Variants in LTBP1 observed in about 807,000 individuals in gnomAD.
LTBP1 encodes latent transforming growth factor beta binding protein 1.
LTBP1 carries 129 observed loss-of-function variants against 207.6 expected under a neutral mutation model. The observed-to-expected ratio is 0.62, with a 90% CI of 0.54 to 0.72. The LOEUF is 0.72. Ranked by LOEUF, LTBP1 falls within the 30% of genes least tolerant of loss-of-function variation. LTBP1 has a pLI of 0.00. For missense variants in LTBP1, 2,281 were observed against 2,217.2 expected, an observed-to-expected ratio of 1.03 and a Z score of -0.58; for synonymous variants, 963 against 833.7, an observed-to-expected ratio of 1.16 and a Z score of -2.67.
At chr2:33,234,892 A>G (rs181632693) in intron 9 of LTBP1, among the ~76,000 whole-genome samples, 2 of 152,184 alleles carry the variant, frequency 1.3e-5, no homozygotes, top group Non-Finnish European at 2.9e-5. Context: ...ATTATACAAA[A>G]ATTAACTCAA....
At chr2:33,310,135 A>T (rs2094162080) in intron 23 of LTBP1, among the ~76,000 whole-genome samples, 1 of 151,892 alleles carries the variant, frequency 6.6e-6, no homozygotes, top group Non-Finnish European at 1.5e-5. Flanking sequence ...TTTACTGGAG[A>T]CGGGGGTTTC....
At chr2:33,065,062 A>G (rs552986863) in intron 3 of LTBP1, among the ~76,000 whole-genome samples, 1 of 152,328 alleles carries the variant, frequency 6.6e-6, no homozygotes, top group African/African-American at 2.4e-5. Flanking sequence ...GGGGTCTAAA[A>G]TGAGGAAATT....
intron 4 of LTBP1, among the ~76,000 whole-genome samples, chr2:33,114,345 A>G (rs1223835880): frequency 1.3e-5 from 2 of 152,164 alleles, no homozygotes; most frequent in African/African-American, 4.8e-5. Context: ...TATCTATTAA[A>G]CGTGTAAATA....
At chr2:33,391,670 A>C (rs1374388587) in intron 32 of LTBP1, among the ~76,000 whole-genome samples, 1 of 152,218 alleles carries the variant, frequency 6.6e-6, no homozygotes, top group Admixed American at 6.5e-5. Context: ...CCAAAATCCC[A>C]GGCACTGATG....
In LTBP1 at chr2:33,398,848, T is replaced by C. The variant is rs1431748606; in HGVS notation, c.*303T>C. Reference sequence around the variant, plus strand: ...AGGTTGTATTATTATGTTGTTTTGTTTTTTTACTATTGCTTGATTAAATTT... The same window carrying C: ...AGGTTGTATTATTATGTTGTTTTGTCTTTTTACTATTGCTTGATTAAATTT... On this transcript the variant is annotated 3_prime_UTR_variant, in exon 34 of 34. Transcript: ENST00000404816. 3 of 194,302 alleles carry C rather than the reference T, an allele frequency of 1.5e-5. No individual in the cohort carries two copies. Among genetic ancestry groups the C allele is most frequent in the African/African-American group, 2.3e-5 (1 of 43,254 alleles). The allele number at this position is 194,302 out of a possible 1,614,324, so 12.0% of individuals were successfully genotyped here. A position where few individuals can be genotyped will look rare whatever the true frequency, so the allele number is the denominator to read the frequency against.
At chr2:33,013,098 T>C (rs903510166) in intron 2 of LTBP1, among the ~76,000 whole-genome samples, 2 of 152,222 alleles carry the variant, frequency 1.3e-5, no homozygotes, top group Admixed American at 6.5e-5. Flanking sequence ...CCTACATATA[T>C]GTATGCCCAG....
At chr2:33,398,073 A>AT (rs1171626634) in intron 33 of LTBP1, among the ~76,000 whole-genome samples, 1 of 152,174 alleles carries the variant, frequency 6.6e-6, no homozygotes, top group East Asian at 1.9e-4. Flanking sequence ...ATGGGAAGGA[A>AT]TTTGGAAGTA....
At chr2:33,371,190 G>A (rs2095062919) in intron 31 of LTBP1, among the ~76,000 whole-genome samples, 1 of 152,126 alleles carries the variant, frequency 6.6e-6, no homozygotes, top group East Asian at 1.9e-4. Context: ...CCACTACAGA[G>A]GCCAGACCGC....
intron 14 of LTBP1, 130 bp from the exon 15 acceptor site, chr2:33,263,164 A>G (rs146757583): frequency 3.4e-5 from 22 of 650,522 alleles, no homozygotes; most frequent in East Asian, 2.8e-4. Flanking sequence ...CTTGGGACAT[A>G]GAACAGTTCT....
chr2:33,223,011 C>T (rs575816115), intron 9 of LTBP1, among the ~76,000 whole-genome samples: 9 of 152,244 alleles, frequency 5.9e-5, no homozygotes, highest in African/African-American at 2.2e-4. Context: ...AACCAAAAGC[C>T]ATGTTGAGAA....
chr2:33,222,954 G>A (rs1179117397), intron 9 of LTBP1, among the ~76,000 whole-genome samples: 1 of 152,142 alleles, frequency 6.6e-6, no homozygotes, highest in Non-Finnish European at 1.5e-5. Flanking sequence ...TTGGAAATAT[G>A]TATACATTGA....
intron 5 of LTBP1, among the ~76,000 whole-genome samples, chr2:33,155,545 C>T (rs957225514): frequency 6.6e-6 from 1 of 152,124 alleles, no homozygotes; most frequent in Non-Finnish European, 1.5e-5. Context: ...TTGTCCTGTG[C>T]ATTGTAGGAT....
intron 4 of LTBP1, among the ~76,000 whole-genome samples, chr2:33,111,699 CA>C (rs1188434438): frequency 1.3e-5 from 2 of 152,126 alleles, no homozygotes; most frequent in Non-Finnish European, 2.9e-5. Flanking sequence ...GGTCATTTAA[CA>C]AAAAGAGTAT....
chr2:33,005,027 G>T (rs1686629016), intron 2 of LTBP1, among the ~76,000 whole-genome samples: 1 of 151,868 alleles, frequency 6.6e-6, no homozygotes, highest in African/African-American at 2.4e-5. Context: ...AATCATATCT[G>T]TGCTGATTTT....
intron 2 of LTBP1, among the ~76,000 whole-genome samples, chr2:32,969,229 T>TGTGTGTGTGTGTG (rs575035380): frequency 1.3e-4 from 17 of 131,612 alleles, no homozygotes; most frequent in African/African-American, 4.7e-4. Context: ...CCTGGCCAAT[T>TGTGTGTGTGTGTG]TGTGTGTGTG....
chr2:33,295,577 C>T (rs555001546), intron 20 of LTBP1, among the ~76,000 whole-genome samples: 10 of 152,110 alleles, frequency 6.6e-5, no homozygotes, highest in African/African-American at 1.2e-4. Context: ...GTGTACATTA[C>T]GTATACATTT....
intron 23 of LTBP1, among the ~76,000 whole-genome samples, chr2:33,309,829 C>G (rs1212261029): frequency 2.0e-5 from 3 of 152,114 alleles, no homozygotes; most frequent in African/African-American, 7.2e-5. Flanking sequence ...CATGCTGTAA[C>G]CTTGGTACTG....
intron 24 of LTBP1, among the ~76,000 whole-genome samples, chr2:33,333,231 GTT>G (rs71975994): frequency 1.3e-5 from 2 of 149,034 alleles, no homozygotes; most frequent in African/African-American, 4.9e-5. Flanking sequence ...AATTTGTAGA[GTT>G]TTTTTTTTTC....
At chr2:32,965,093 TG>T (rs1679746938) in intron 2 of LTBP1, among the ~76,000 whole-genome samples, 1 of 152,132 alleles carries the variant, frequency 6.6e-6, no homozygotes. Flanking sequence ...CAGTCTCAGT[TG>T]GGAAAACCAT....
Sources: allele counts gnomAD v4.1 joint callset (sites outside exome capture counted in the v4.1 genomes callset), GRCh38; gene constraint gnomAD v4.1.1; transcripts MANE v1.5; gene names NCBI Gene and HGNC (gene_info 2026-07-23, HGNC 2026-07-21).